TMCC3: variants seen among roughly 807,000 people sequenced by gnomAD.
The protein encoded by TMCC3 is transmembrane and coiled-coil domain family 3, also known as transmembrane and coiled-coil domain protein 3.
In TMCC3, 28 loss-of-function variants were observed where a neutral mutation model predicts 40.2. The ratio of observed to expected loss-of-function variants is 0.70; its 90% CI spans 0.52 to 0.95. The LOEUF is 0.95. Among genes scored for constraint, TMCC3 ranks in the 40% least tolerant of loss-of-function variants. The pLI is 0.00. For missense variants in TMCC3, 554 were observed against 615.2 expected, an observed-to-expected ratio of 0.90 and a Z score of 1.05; for synonymous variants, 255 against 248.5, an observed-to-expected ratio of 1.03 and a Z score of -0.25.
rs193005171 is a variant in TMCC3, at chr12:94,568,701, C to T, written c.*2734G>A. 35 of 152,246 alleles carry T rather than the reference C, an allele frequency of 2.3e-4. No individual in the cohort carries two copies. The highest frequency in any genetic ancestry group is 7.5e-4 in the African/African-American group (31 of 41,538). 9.4% of individuals were successfully genotyped at this position (152,246 alleles called of 1,614,324 possible). A position where few individuals can be genotyped will look rare whatever the true frequency, so the allele number is the denominator to read the frequency against. On this transcript the variant is annotated 3_prime_UTR_variant, in exon 4 of 4. Coordinates refer to ENST00000261226, the MANE Select transcript of TMCC3 (RefSeq NM_020698.4). ...AACTGCAGAGATTAAAAGTTTCCTT[C>T]GAGTGTATCATCTTATTAAAAAGTA...
chr12:94,577,285 T>C, intron 3 of TMCC3, among the ~76,000 whole-genome samples: 1 of 152,122 alleles, frequency 6.6e-6, no homozygotes. Flanking sequence ...GCCTCCCGGA[T>C]TCAAGCAATT....
chr12:94,622,774 T>C (rs2068882557), intron 1 of TMCC3, among the ~76,000 whole-genome samples: 1 of 150,938 alleles, frequency 6.6e-6, no homozygotes, highest in Non-Finnish European at 1.5e-5. Context: ...ATGACTTCCC[T>C]GCAGATATAA....
intron 1 of TMCC3, among the ~76,000 whole-genome samples, chr12:94,627,603 C>T (rs1351608027): frequency 6.6e-6 from 1 of 152,234 alleles, no homozygotes; most frequent in Non-Finnish European, 1.5e-5. Flanking sequence ...TCAAACACAA[C>T]AGGCACACTG....
chr12:94,630,435 C>T lies in TMCC3; in HGVS notation c.78+19918G>A, dbSNP rs141046082. On this transcript the variant is annotated intron_variant, in intron 1 of 3. Coordinates refer to ENST00000261226, the MANE Select transcript of TMCC3 (RefSeq NM_020698.4). ...TGGTTTAGGGGCACAGGCTCTGGAA[C>T]GCAGAGCTACCTGGGTTCAGGTTCT... Among the ~76,000 whole-genome samples the T allele has an allele frequency of 1.1e-3, 168 of 152,234 alleles. 1 individual carries two copies. The East Asian group carries it at 0.025, about 23-fold the overall frequency.
intron 1 of TMCC3, chr12:94,591,177 T>C (rs1055602123): frequency 3.4e-6 from 1 of 296,870 alleles, no homozygotes; most frequent in Non-Finnish European, 6.6e-6. Context: ...GTAGCCTTTC[T>C]AAATGTACAA....
chr12:94,595,494 A>C (rs2068710329), intron 1 of TMCC3, among the ~76,000 whole-genome samples: 1 of 152,190 alleles, frequency 6.6e-6, no homozygotes, highest in South Asian at 2.1e-4. Context: ...TGGAGCCCCA[A>C]AGTGCATTCC....
rs869058316 is a variant in TMCC3 at position 94,592,661 on chromosome 12, C to CAAAAAA, written c.79-10129_79-10124dup. Among the ~76,000 whole-genome samples, 32 of 27,496 alleles carry CAAAAAA rather than the reference C, an allele frequency of 1.2e-3. 3 individuals carry two copies. The East Asian group carries it at 0.014, about 12-fold the overall frequency. 18.0% of individuals were successfully genotyped at this position (27,496 alleles called of 152,430 possible). A position where few individuals can be genotyped will look rare whatever the true frequency, so the allele number is the denominator to read the frequency against. On this transcript the variant is annotated intron_variant, in intron 1 of 3. Coordinates refer to ENST00000261226, the MANE Select transcript of TMCC3 (RefSeq NM_020698.4). ...TGAGCCTGGACAACAGGCTCCATCT[C>CAAAAAA]AAAAAAAAAAAAAAAAAAAAAATTC...
At chr12:94,572,319 TTTTTTTTTTGA>T (rs1173109501) in intron 3 of TMCC3, among the ~76,000 whole-genome samples, 1 of 123,612 alleles carries the variant, frequency 8.1e-6, no homozygotes, top group African/African-American at 3.0e-5. Flanking sequence ...TTTTTTTTTT[TTTTTTTTTTGA>T]GACAGAGTTT....
rs147181299 is a variant in TMCC3 at position 94,638,637 on chromosome 12, T to C, written c.78+11716A>G. On this transcript the variant is annotated intron_variant, in intron 1 of 3. Coordinates refer to ENST00000261226, the MANE Select transcript of TMCC3 (RefSeq NM_020698.4). Reference sequence around the variant, plus strand: ...CAGCTCTTACTGAATGGGCTTCATATTGTCAGATAAATTAAATCTATGCCA... The same window carrying C: ...CAGCTCTTACTGAATGGGCTTCATACTGTCAGATAAATTAAATCTATGCCA... Among the ~76,000 whole-genome samples the C allele has an allele frequency of 3.8e-3, 583 of 152,342 alleles. 13 individuals are homozygous for C. Among genetic ancestry groups the C allele is most frequent in the East Asian group, 0.029 (149 of 5,190 alleles).
At chr12:94,622,184 A>T (rs746815236) in intron 1 of TMCC3, among the ~76,000 whole-genome samples, 1 of 152,052 alleles carries the variant, frequency 6.6e-6, no homozygotes, top group Non-Finnish European at 1.5e-5. Flanking sequence ...AGTACTCCAC[A>T]CCCATGGCCT....
intron 1 of TMCC3, among the ~76,000 whole-genome samples, chr12:94,624,321 C>T (rs1322126429): frequency 6.6e-6 from 1 of 152,216 alleles, no homozygotes; most frequent in African/African-American, 2.4e-5. Flanking sequence ...CCCACAAAAA[C>T]TTACACAGAA....
In TMCC3 at chr12:94,569,110, C is replaced by T. The variant is rs555542983; in HGVS notation, c.*2325G>A. The T allele has an allele frequency of 2.0e-5, 3 of 152,332 alleles. No homozygotes were observed. Among genetic ancestry groups the T allele is most frequent in the African/African-American group, 7.2e-5 (3 of 41,542 alleles). The allele number at this position is 152,332 out of a possible 1,614,324, so 9.4% of individuals were successfully genotyped here. ...GAAGCCTACGTCTTCTTGGACCCTC[C>T]CAGAGCCCTTCACCTCAAGGGTTAG... On this transcript the variant is annotated 3_prime_UTR_variant, in exon 4 of 4. Transcript: ENST00000261226.
intron 1 of TMCC3, among the ~76,000 whole-genome samples, chr12:94,631,590 C>T (rs1006696444): frequency 7.2e-5 from 11 of 152,212 alleles, no homozygotes; most frequent in African/African-American, 2.4e-4. Context: ...TGATCTCAGA[C>T]TTCCAGCCTC....
intron 1 of TMCC3, among the ~76,000 whole-genome samples, chr12:94,589,718 TTTTA>T (rs1229558177): frequency 6.6e-6 from 1 of 152,224 alleles, no homozygotes; most frequent in African/African-American, 2.4e-5. Flanking sequence ...GACTGAATAC[TTTTA>T]TTGTGAATCA....
intron 1 of TMCC3, among the ~76,000 whole-genome samples, chr12:94,593,368 A>AAG (rs1163277909): frequency 5.2e-5 from 4 of 77,362 alleles, no homozygotes; most frequent in African/African-American, 2.3e-4. Context: ...CTAAAAAAAA[A>AAG]AAAAGAAAAG....
chr12:94,637,540 C>T (rs1466282448), intron 1 of TMCC3, among the ~76,000 whole-genome samples: 1 of 152,222 alleles, frequency 6.6e-6, no homozygotes, highest in Non-Finnish European at 1.5e-5. Flanking sequence ...GTGCTGCATC[C>T]TTAGCTCCCA....
intron 1 of TMCC3, among the ~76,000 whole-genome samples, chr12:94,619,954 G>A (rs12811432): frequency 0.3 from 45,596 of 151,996 alleles, 7,862 homozygotes; most frequent in Admixed American, 0.42. Flanking sequence ...ACCTGAGGTC[G>A]GGAGTTCGAG....
At chr12:94,615,388 C>G (rs934185672) in intron 1 of TMCC3, among the ~76,000 whole-genome samples, 1 of 152,156 alleles carries the variant, frequency 6.6e-6, no homozygotes, top group African/African-American at 2.4e-5. Flanking sequence ...TCCCACAGCT[C>G]GAGGCAGCCA....
At chr12:94,630,988 GC>G (rs771255002) in intron 1 of TMCC3, among the ~76,000 whole-genome samples, 16 of 152,172 alleles carry the variant, frequency 1.1e-4, no homozygotes, top group Non-Finnish European at 1.9e-4. Context: ...CTCCCAGAGT[GC>G]TGGGATCCCT....
Sources: allele counts gnomAD v4.1 joint callset (sites outside exome capture counted in the v4.1 genomes callset), GRCh38; gene constraint gnomAD v4.1.1; transcripts MANE v1.5; gene names NCBI Gene and HGNC (gene_info 2026-07-23, HGNC 2026-07-21).